The following SRGN variants were observed in gnomAD, a reference collection of about 807,000 sequenced individuals.
The protein encoded by SRGN is serglycin, also known as hematopoetic proteoglycan core peptide.
SRGN carries 2 observed loss-of-function variants against 9.5 expected under a neutral mutation model. The observed-to-expected ratio is 0.21, with a 90% confidence interval of 0.09 to 0.66. The LOEUF is 0.66. Ranked by LOEUF, SRGN falls within the 30% of genes least tolerant of loss-of-function variation. The pLI is 0.83. For synonymous variants in SRGN, 59 were observed against 72.3 expected (o/e 0.82, Z 0.93); for missense variants, 170 against 192.4 (o/e 0.88, Z 0.69).
At chr10:69,102,437 A>G (rs960187189) in intron 2 of SRGN, among the ~76,000 whole-genome samples, 3 of 152,216 alleles carry the variant, frequency 2.0e-5, no homozygotes, top group Non-Finnish European at 4.4e-5. Flanking sequence ...AAGGGGCTTC[A>G]TCGATCTGCC....
At chr10:69,089,064 A>G (rs1351476878) in intron 1 of SRGN, among the ~76,000 whole-genome samples, 1 of 152,228 alleles carries the variant, frequency 6.6e-6, no homozygotes, top group East Asian at 1.9e-4. Flanking sequence ...GTAGAAAAAC[A>G]CTAGGTTCCG....
chr10:69,091,318 A>G (rs1394043854), intron 1 of SRGN, among the ~76,000 whole-genome samples: 1 of 152,230 alleles, frequency 6.6e-6, no homozygotes, highest in African/African-American at 2.4e-5. Flanking sequence ...CAAACAAACA[A>G]AAAATCCTTT....
intron 1 of SRGN, 101 bp downstream of exon 1, chr10:69,088,337 T>A: frequency 9.6e-7 from 1 of 1,038,448 alleles, no homozygotes. Context: ...TATAATATTG[T>A]GAGAAAGGAG....
At chr10:69,090,076 T>C (rs1355468944) in intron 1 of SRGN, among the ~76,000 whole-genome samples, 1 of 152,128 alleles carries the variant, frequency 6.6e-6, no homozygotes, top group South Asian at 2.1e-4. Flanking sequence ...CTAGGGTGTT[T>C]CCGAAAAAAG....
intron 1 of SRGN, among the ~76,000 whole-genome samples, chr10:69,096,312 T>C (rs1840175004): frequency 6.6e-6 from 1 of 152,186 alleles, no homozygotes; most frequent in Non-Finnish European, 1.5e-5. Context: ...AAAATTGAGA[T>C]AATAGTACAA....
upstream of SRGN, chr10:69,087,997 T>G: frequency 2.6e-4 from 146 of 555,914 alleles, no homozygotes; most frequent in Middle Eastern, 5.1e-4. Context: ...TCTTTCTGGG[T>G]TTTGATGTGG....
chr10:69,095,307 CAAA>C (rs59117562), intron 1 of SRGN, among the ~76,000 whole-genome samples: 23 of 117,570 alleles, frequency 2.0e-4, no homozygotes, highest in Admixed American at 2.6e-4. Flanking sequence ...GACTTCATCT[CAAA>C]AAAAAAAAAA....
intron 1 of SRGN, among the ~76,000 whole-genome samples, chr10:69,091,879 CAAA>C (rs1177012248): frequency 7.6e-4 from 24 of 31,758 alleles, no homozygotes; most frequent in South Asian, 3.6e-3. Context: ...GACTCTGTCT[CAAA>C]AAAAAAAAAA....
intron 1 of SRGN, among the ~76,000 whole-genome samples, chr10:69,092,742 T>C (rs111380972): frequency 0.014 from 2,085 of 143,944 alleles, 14 homozygotes; most frequent in Non-Finnish European, 0.024. Context: ...TGCAGTGAGC[T>C]GAGATTGCAC....
chr10:69,088,037 A>G, upstream of SRGN: 2 of 726,058 alleles, frequency 2.8e-6, no homozygotes, highest in Non-Finnish European at 4.8e-6. Context: ...GGAAATTGTG[A>G]CGTGTGTTCT....
upstream of SRGN, chr10:69,088,012 C>A: frequency 1.6e-6 from 1 of 615,500 alleles, no homozygotes; most frequent in Non-Finnish European, 2.9e-6. Context: ...ATGTGGATGT[C>A]TTTCTATTTG....
intron 2 of SRGN, among the ~76,000 whole-genome samples, chr10:69,099,202 C>T (rs1564661759): frequency 6.6e-6 from 1 of 152,116 alleles, no homozygotes; most frequent in South Asian, 2.1e-4. Context: ...GTTTTAATCT[C>T]CAGGCTCAAA....
chr10:69,091,704 C>G (rs954699252), intron 1 of SRGN, among the ~76,000 whole-genome samples: 1 of 145,930 alleles, frequency 6.9e-6, no homozygotes, highest in Non-Finnish European at 1.5e-5. Flanking sequence ...CATGGTGAAA[C>G]CCCCATCTCT....
intron 2 of SRGN, among the ~76,000 whole-genome samples, chr10:69,097,717 G>A (rs1840207861): frequency 6.6e-6 from 1 of 151,984 alleles, no homozygotes; most frequent in Admixed American, 6.6e-5. Flanking sequence ...GTGAGCCACT[G>A]CGCCTGGCCT....
chr10:69,103,724 A>G (rs1840335267), intron 2 of SRGN, 147 bp from the exon 3 acceptor site: 1 of 907,358 alleles, frequency 1.1e-6, no homozygotes, highest in Non-Finnish European at 1.6e-6. Flanking sequence ...ATTTTAAAAC[A>G]TTGAATAATT....
At position 69,090,842 on chromosome 10, in the gene SRGN, T is replaced by C. The variant is rs891400958; in HGVS notation, c.79+2606T>C. Among the ~76,000 whole-genome samples, 29 of 152,184 alleles carry C rather than the reference T, an allele frequency of 1.9e-4. 1 individual carries two copies. Among genetic ancestry groups the C allele is most frequent in the African/African-American group, 7.0e-4 (29 of 41,450 alleles). On this transcript the variant is annotated intron_variant, in intron 1 of 2. Coordinates refer to ENST00000242465, the MANE Select transcript of SRGN (RefSeq NM_002727.4). ...AACTCTGGAGAGCACAGATGACTAATCTATTTAATGTAGGGCTCCAGGGGA... is the reference window on the plus strand; with the variant it reads ...AACTCTGGAGAGCACAGATGACTAACCTATTTAATGTAGGGCTCCAGGGGA...
chr10:69,091,904 AAAAAG>A (rs1840067245), intron 1 of SRGN, among the ~76,000 whole-genome samples: 2 of 90,374 alleles, frequency 2.2e-5, no homozygotes, highest in Admixed American at 1.2e-4. Context: ...AAAAAAAAAA[AAAAAG>A]AAAAAGAAAA....
rs756208261 is a variant in SRGN, at chr10:69,103,936, T to TCGGCTCCGGCTC, written c.300_311dup (p.Ser108_Gly111dup). ...TCTGAGGACTACTCTGGATCAGGCT[T>TCGGCTCCGGCTC]CGGCTCCGGCTCCGGCTCTGGATCA... is the stretch of plus-strand genomic sequence containing the variant. On this transcript the variant is annotated inframe_insertion, in exon 3 of 3. Coordinates refer to ENST00000242465, the MANE Select transcript of SRGN (RefSeq NM_002727.4). The TCGGCTCCGGCTC allele has an allele frequency of 8.1e-6, 13 of 1,614,224 alleles. No individual in the cohort carries two copies. The highest frequency in any genetic ancestry group is 4.5e-5 in the East Asian group (2 of 44,886).
chr10:69,099,309 G>GTTT (rs59142650), intron 2 of SRGN, among the ~76,000 whole-genome samples: 25 of 138,902 alleles, frequency 1.8e-4, no homozygotes, highest in South Asian at 2.3e-4. Flanking sequence ...TTTCTCTTTT[G>GTTT]TTTTTTTTTT....
Sources: gnomAD v4.1 joint callset for allele counts (sites outside exome capture counted in the v4.1 genomes callset) on GRCh38, gnomAD v4.1.1 for gene constraint, MANE v1.5 for transcripts, NCBI Gene and HGNC (gene_info 2026-07-23, HGNC 2026-07-21) for gene names.